The following TNFRSF1B variants were observed in gnomAD, a reference collection of about 807,000 sequenced individuals.
TNFRSF1B encodes tumor necrosis factor receptor superfamily member 1B.
A neutral mutation model predicts 44.6 loss-of-function variants in TNFRSF1B; 19 were observed. That is an observed-to-expected ratio of 0.43 (90% CI 0.30 to 0.62). The LOEUF is 0.62. TNFRSF1B is among the 20% of genes least tolerant of loss of function. TNFRSF1B has a pLI of 0.16. For synonymous variants in TNFRSF1B, 252 were observed against 261.1 expected, an observed-to-expected ratio of 0.97 and a Z score of 0.34; for missense variants, 541 against 619.9, an observed-to-expected ratio of 0.87 and a Z score of 1.35.
Position 12,185,095 on chromosome 1 carries a change from G to A in TNFRSF1B, c.79-3701G>A, listed in dbSNP as rs12048984. 3.0e-4 allele frequency among the ~76,000 whole-genome samples: 45 copies of A among 152,316 alleles called. No individual in the cohort carries two copies. In the East Asian group the frequency reaches 7.1e-3, roughly 24 times the overall value. ...CCGAGGGCCAGGAAGACCCTCTGCC[G>A]CAGTTAGTATTCGATGGAATGGCTT... On this transcript the variant is annotated intron_variant, in intron 1 of 9. Coordinates refer to ENST00000376259, the MANE Select transcript of TNFRSF1B (RefSeq NM_001066.3).
rs942137524 is a variant in TNFRSF1B at position 12,177,835 on chromosome 1, T to A, written c.78+10666T>A. Among the ~76,000 whole-genome samples the A allele has an allele frequency of 4.0e-5, 6 of 151,332 alleles. No homozygotes were observed. Among genetic ancestry groups the A allele is most frequent in the African/African-American group, 1.5e-4 (6 of 41,240 alleles). On this transcript the variant is annotated intron_variant, in intron 1 of 9. Transcript: ENST00000376259. The surrounding 1 kb of genome is among the most constrained non-coding windows in gnomAD (Gnocchi z 4.3). ...AGAAGAGCTGACATTTAGCGGGTGCTTCTTGGGTGCAATGCGCAAGAGACC... is the reference window on the plus strand; with the variant it reads ...AGAAGAGCTGACATTTAGCGGGTGCATCTTGGGTGCAATGCGCAAGAGACC...
Position 12,169,004 on chromosome 1 carries a change from A to G in TNFRSF1B, c.78+1835A>G, listed in dbSNP as rs1185932628. 1.3e-5 allele frequency among the ~76,000 whole-genome samples: 2 copies of G among 152,158 alleles called. No homozygotes were observed. The highest frequency in any genetic ancestry group is 2.4e-5 in the African/African-American group (1 of 41,410). ...CGCCTCTGTAGAACTGATGATGGTC[A>G]TCGTGTGTGTCATTGTGCAAAAAGC... On this transcript the variant is annotated intron_variant, in intron 1 of 9. Coordinates refer to ENST00000376259, the MANE Select transcript of TNFRSF1B (RefSeq NM_001066.3). This position sits in a 1 kb window ranked among gnomAD's most constrained non-coding sequence, Gnocchi z 4.5.
rs17886002 is a variant in TNFRSF1B at position 12,192,415 on chromosome 1, G to A, written c.458-16G>A. On this transcript the variant is annotated splice_polypyrimidine_tract_variant and intron_variant, in intron 4 of 9. Coordinates refer to ENST00000376259, the MANE Select transcript of TNFRSF1B (RefSeq NM_001066.3). ...GAGTGTCTGAGTGGTTGACAAGTTC[G>A]GATTGTTCCCTGAAGGAACTGAAAC... The A allele has an allele frequency of 2.4e-4, 382 of 1,613,226 alleles. No individual in the cohort carries two copies. In the African/African-American group the frequency reaches 4.7e-3, roughly 20 times the overall value.
chr1:12,174,168 TTCTCCTTCTCCTTCTCCTTCTCCTTCTC>T (rs1638593474), intron 1 of TNFRSF1B, among the ~76,000 whole-genome samples: 6 of 59,390 alleles, frequency 1.0e-4, no homozygotes, highest in African/African-American at 4.2e-4. Context: ...CTTCTTCTCC[TTCTCCTTCTCCTTCTCCTTCTCCTTCTC>T]CTTCTCCTTC....
At position 12,168,692 on chromosome 1, in the gene TNFRSF1B, C is replaced by T. The variant is rs1638451422; in HGVS notation, c.78+1523C>T. Reference sequence around the variant, plus strand: ...GGAGGAGGTTCCCTCCCACTTCCTTCCCTTCCTGACCAGCTCCTGCGGCAG... The same window carrying T: ...GGAGGAGGTTCCCTCCCACTTCCTTTCCTTCCTGACCAGCTCCTGCGGCAG... On this transcript the variant is annotated intron_variant, in intron 1 of 9. Coordinates refer to ENST00000376259, the MANE Select transcript of TNFRSF1B (RefSeq NM_001066.3). The surrounding 1 kb of genome is among the most constrained non-coding windows in gnomAD (Gnocchi z 4.7). Among the ~76,000 whole-genome samples, 1 of 152,120 alleles carries T rather than the reference C, an allele frequency of 6.6e-6. No homozygotes were observed. The highest frequency in any genetic ancestry group is 1.5e-5 in the Non-Finnish European group (1 of 67,998).
chr1:12,187,352 C>T lies in TNFRSF1B; in HGVS notation c.79-1444C>T, dbSNP rs1182974182. ...ATTTTTAGTAGAGACAGGGTTTTGC[C>T]TTGTTGGCCAGGCTGGTCTCGAACT... On this transcript the variant is annotated intron_variant, in intron 1 of 9. Transcript: ENST00000376259. The surrounding 1 kb of genome is among the most constrained non-coding windows in gnomAD (Gnocchi z 5.5). 6.6e-6 allele frequency among the ~76,000 whole-genome samples: 1 copy of T among 152,144 alleles called. No individual in the cohort carries two copies. The highest frequency in any genetic ancestry group is 2.4e-5 in the African/African-American group (1 of 41,426).
intron 1 of TNFRSF1B, among the ~76,000 whole-genome samples, chr1:12,179,184 T>C (rs1205806829): frequency 6.6e-6 from 1 of 152,078 alleles, no homozygotes; most frequent in African/African-American, 2.4e-5. Flanking sequence ...AGCTCATTTC[T>C]AAAGCAACAT....
intron 2 of TNFRSF1B, among the ~76,000 whole-genome samples, chr1:12,189,253 T>G (rs1245691974): frequency 6.6e-6 from 1 of 152,174 alleles, no homozygotes; most frequent in Admixed American, 6.5e-5. Flanking sequence ...GCACTCAGCT[T>G]GAAAGACAAG....
At chr1:12,201,812 C>T (rs1213766640) in intron 8 of TNFRSF1B, among the ~76,000 whole-genome samples, 155 bp from the exon 9 acceptor site, 1 of 152,134 alleles carries the variant, frequency 6.6e-6, no homozygotes, top group African/African-American at 2.4e-5. Flanking sequence ...CAAAAAGTGC[C>T]GTGTGTGGAA....
chr1:12,198,059 T>C (rs1639305977), intron 8 of TNFRSF1B, among the ~76,000 whole-genome samples: 1 of 149,712 alleles, frequency 6.7e-6, no homozygotes, highest in African/African-American at 2.5e-5. Context: ...GAGGTGGAGC[T>C]TGCAGTGTAC....
intron 1 of TNFRSF1B, among the ~76,000 whole-genome samples, chr1:12,185,586 G>A (rs552224974): frequency 5.3e-5 from 8 of 152,302 alleles, no homozygotes; most frequent in Non-Finnish European, 1.0e-4. Flanking sequence ...GGCTCCAGAC[G>A]GGGGTTACTT....
chr1:12,191,052 G>T lies in TNFRSF1B; in HGVS notation c.274G>T (p.Glu92Ter). 2 of 1,614,178 alleles carry T rather than the reference G, an allele frequency of 1.2e-6. No individual in the cohort carries two copies. Among genetic ancestry groups the T allele is most frequent in the Non-Finnish European group, 1.7e-6 (2 of 1,180,010 alleles). Residue 92 changes from glutamate to a stop codon, truncating the protein, a stop_gained, in exon 3 of 10, where the codon GAG becomes TAG. Transcript: ENST00000376259. LOFTEE classifies it high-confidence loss of function. ...TYTQLWNWVP[E>*]CLSCGSRCSS... ...CACCCAGCTCTGGAACTGGGTTCCC[G>T]AGTGCTTGAGCTGTGGCTCCCGCTG...
intron 5 of TNFRSF1B, 149 bp from the exon 6 acceptor site, chr1:12,192,714 G>A (rs1639173397): frequency 1.2e-6 from 1 of 824,618 alleles, no homozygotes; most frequent in African/African-American, 1.7e-5. Flanking sequence ...GGTGCATGGG[G>A]AGGTGGGGGA....
At chr1:12,176,327 C>A (rs1638656262) in intron 1 of TNFRSF1B, among the ~76,000 whole-genome samples, 1 of 152,186 alleles carries the variant, frequency 6.6e-6, no homozygotes, top group Admixed American at 6.5e-5. Flanking sequence ...GTGACAGCAG[C>A]ACACGAGGCT....
At position 12,201,967 on chromosome 1, in the gene TNFRSF1B, C is replaced by A. The variant is rs781525724; in HGVS notation, c.901C>A (p.Pro301Thr). The change falls in exon 9 of 10, where the codon CCT becomes ACT. Residue 301 changes from proline to threonine, a missense_variant and splice_region_variant. Coordinates refer to ENST00000376259, the MANE Select transcript of TNFRSF1B (RefSeq NM_001066.3). ...PLCLQREAKV[P>T]HLPADKARGT... Reference sequence around the variant, plus strand: ...CCCCTACCACCCCCTGCCCATCCAGCCTCACTTGCCTGCCGATAAGGCCCG... The same window carrying A: ...CCCCTACCACCCCCTGCCCATCCAGACTCACTTGCCTGCCGATAAGGCCCG... The A allele has an allele frequency of 3.7e-6, 6 of 1,607,228 alleles. No homozygotes were observed. The highest frequency in any genetic ancestry group is 1.7e-5 in the Admixed American group (1 of 59,590).
At chr1:12,179,871 A>G (rs538725214) in intron 1 of TNFRSF1B, among the ~76,000 whole-genome samples, 5 of 152,290 alleles carry the variant, frequency 3.3e-5, no homozygotes, top group African/African-American at 1.2e-4. Flanking sequence ...TAAAATAAAG[A>G]GAAGGTATAT....
intron 8 of TNFRSF1B, among the ~76,000 whole-genome samples, chr1:12,197,049 G>A (rs931981488): frequency 4.0e-5 from 6 of 151,700 alleles, no homozygotes; most frequent in African/African-American, 1.5e-4. Flanking sequence ...CCGGGTTCGA[G>A]TGGTCATCCC....
At chr1:12,198,992 C>G (rs1489582962) in intron 8 of TNFRSF1B, among the ~76,000 whole-genome samples, 5 of 152,044 alleles carry the variant, frequency 3.3e-5, no homozygotes. Context: ...TGCGCCCGGC[C>G]CTGGGATCCT....
rs17885508 is a variant in TNFRSF1B at position 12,178,970 on chromosome 1, G to A, written c.79-9826G>A. The stretch of plus-strand genomic sequence containing the variant: ...CAGCTGGCAGGAGATGCTGAGGGCA[G>A]CGAGGAGGAGGGGTCGTGGGAGATG... On this transcript the variant is annotated intron_variant, in intron 1 of 9. Coordinates refer to ENST00000376259, the MANE Select transcript of TNFRSF1B (RefSeq NM_001066.3). This position sits in a 1 kb window ranked among gnomAD's most constrained non-coding sequence, Gnocchi z 4.3. 6.6e-6 allele frequency among the ~76,000 whole-genome samples: 1 copy of A among 152,126 alleles called. No homozygotes were observed. Among genetic ancestry groups the A allele is most frequent in the Admixed American group, 6.5e-5 (1 of 15,272 alleles).
Sources: allele counts gnomAD v4.1 joint callset (sites outside exome capture counted in the v4.1 genomes callset), GRCh38; gene constraint gnomAD v4.1.1; non-coding constraint Gnocchi (gnomAD v3.1); transcripts MANE v1.5; gene names NCBI Gene and HGNC (gene_info 2026-07-23, HGNC 2026-07-21).